Variants in STX18 observed in about 807,000 individuals in gnomAD.
STX18 encodes the protein syntaxin 18, also known as syntaxin-18.
STX18 carries 40 observed loss-of-function variants against 50.1 expected under a neutral mutation model. That is an observed-to-expected ratio of 0.80 (90% CI 0.62 to 1.04). The LOEUF is 1.04. Among genes scored for constraint, STX18 ranks in the 50% least tolerant of loss-of-function variants. The pLI is 0.00. For synonymous variants in STX18, 158 were observed against 151.8 expected, an observed-to-expected ratio of 1.04 and a Z score of -0.30; for missense variants, 410 against 415.8, an observed-to-expected ratio of 0.99 and a Z score of 0.12.
chr4:4,508,700 C>T (rs1378276894), intron 1 of STX18, among the ~76,000 whole-genome samples: 1 of 152,148 alleles, frequency 6.6e-6, no homozygotes, highest in African/African-American at 2.4e-5. Flanking sequence ...TCCTGATGCT[C>T]TCCCTCTCCC....
At chr4:4,513,701 C>T (rs1390334129) in intron 1 of STX18, among the ~76,000 whole-genome samples, 2 of 152,188 alleles carry the variant, frequency 1.3e-5, no homozygotes, top group Admixed American at 1.3e-4. Context: ...GACAAAACAG[C>T]ATGGCCAATG....
upstream of STX18, chr4:4,542,144 G>A: frequency 2.6e-6 from 2 of 762,942 alleles, no homozygotes; most frequent in South Asian, 2.6e-5. Context: ...AAAGGTTCCG[G>A]CCTCAGCCGG....
intron 5 of STX18, among the ~76,000 whole-genome samples, chr4:4,449,322 A>T (rs1726621086): frequency 6.6e-6 from 1 of 151,940 alleles, no homozygotes; most frequent in African/African-American, 2.4e-5. Context: ...AAGTGCTGGG[A>T]TTATAGGTGT....
chr4:4,477,753 A>C (rs1022518810), intron 1 of STX18: 1 of 152,248 alleles, frequency 6.6e-6, no homozygotes, highest in Non-Finnish European at 1.5e-5. Flanking sequence ...TTTGCAAGGA[A>C]GCACCTGGGA....
chr4:4,460,295 T>C (rs1379004974), intron 2 of STX18, among the ~76,000 whole-genome samples: 1 of 152,212 alleles, frequency 6.6e-6, no homozygotes, highest in Non-Finnish European at 1.5e-5. Flanking sequence ...TAAATACTTT[T>C]GAATGAACTG....
intron 1 of STX18, among the ~76,000 whole-genome samples, chr4:4,510,623 T>C (rs993423810): frequency 6.6e-6 from 1 of 152,142 alleles, no homozygotes; most frequent in African/African-American, 2.4e-5. Flanking sequence ...GAACCAGAAA[T>C]ACCATTTGAC....
chr4:4,511,220 G>A (rs1244840277), intron 1 of STX18, among the ~76,000 whole-genome samples: 1 of 152,156 alleles, frequency 6.6e-6, no homozygotes, highest in African/African-American at 2.4e-5. Context: ...AATGTAGGTT[G>A]GAAGATGAAT....
At chr4:4,436,739 C>G (rs1158354692) in intron 6 of STX18, among the ~76,000 whole-genome samples, 2 of 152,122 alleles carry the variant, frequency 1.3e-5, no homozygotes, top group Admixed American at 6.5e-5. Flanking sequence ...TCCAGACTCC[C>G]TACTCTGGCA....
intron 1 of STX18, among the ~76,000 whole-genome samples, chr4:4,526,658 C>G (rs1248977516): frequency 6.6e-6 from 1 of 151,980 alleles, no homozygotes; most frequent in Admixed American, 6.6e-5. Context: ...TGAACTGTAC[C>G]AAGTAATGAA....
At position 4,419,981 on chromosome 4, in the gene STX18, C is replaced by A; in HGVS notation, c.*53G>T. 2.7e-6 allele frequency: 4 copies of A among 1,459,588 alleles called. No individual in the cohort carries two copies. Among genetic ancestry groups the A allele is most frequent in the Non-Finnish European group, 3.8e-6 (4 of 1,058,962 alleles). The allele number at this position is 1,459,588 out of a possible 1,614,324, so 90.4% of individuals were successfully genotyped here. On this transcript the variant is annotated 3_prime_UTR_variant, in exon 11 of 11. Transcript: ENST00000306200. ...CCAGCACTGGAAGTACATGAAAGCA[C>A]GCAGTCTGTGAGTGCCCATGAGGAC...
chr4:4,457,861 C>T (rs1560173702), intron 3 of STX18, among the ~76,000 whole-genome samples: 1 of 152,202 alleles, frequency 6.6e-6, no homozygotes, highest in African/African-American at 2.4e-5. Context: ...ACACTCCTCC[C>T]TGCTTGAACC....
chr4:4,421,710 C>T (rs1724977066), intron 9 of STX18, among the ~76,000 whole-genome samples: 1 of 152,188 alleles, frequency 6.6e-6, no homozygotes, highest in Non-Finnish European at 1.5e-5. Flanking sequence ...TTCTGAAGTC[C>T]ACAGAAGTAA....
At chr4:4,443,061 C>T (rs1180821520) in intron 5 of STX18, among the ~76,000 whole-genome samples, 1 of 152,132 alleles carries the variant, frequency 6.6e-6, no homozygotes, top group Non-Finnish European at 1.5e-5. Flanking sequence ...TAGGCACTTC[C>T]GTATATTGAT....
intron 5 of STX18, among the ~76,000 whole-genome samples, chr4:4,452,403 G>T (rs1221518732): frequency 6.6e-6 from 1 of 152,224 alleles, no homozygotes; most frequent in Non-Finnish European, 1.5e-5. Flanking sequence ...GGAATTGGAG[G>T]TAGATGCCAT....
chr4:4,514,714 CCAAAGGAG>C (rs947027912), intron 1 of STX18, among the ~76,000 whole-genome samples: 2 of 151,916 alleles, frequency 1.3e-5, no homozygotes, highest in African/African-American at 4.8e-5. Flanking sequence ...ATCCAAACCA[CCAAAGGAG>C]GTACCCATAC....
chr4:4,439,580 T>C (rs1169806054), intron 5 of STX18, among the ~76,000 whole-genome samples: 7 of 114,886 alleles, frequency 6.1e-5, no homozygotes, highest in African/African-American at 2.4e-4. Flanking sequence ...CCCATATATA[T>C]ACACACACAC....
chr4:4,490,291 A>G (rs1053126349), intron 1 of STX18, among the ~76,000 whole-genome samples: 2 of 152,174 alleles, frequency 1.3e-5, no homozygotes, highest in African/African-American at 4.8e-5. Context: ...CATATGTAAC[A>G]ATAGCCAAAG....
At chr4:4,527,952 A>G (rs1730877226) in intron 1 of STX18, among the ~76,000 whole-genome samples, 2 of 151,938 alleles carry the variant, frequency 1.3e-5, no homozygotes, top group African/African-American at 4.8e-5. Flanking sequence ...GACATCCCTT[A>G]GCCACTGTCT....
At chr4:4,525,746 A>G (rs1342876900) in intron 1 of STX18, among the ~76,000 whole-genome samples, 1 of 152,206 alleles carries the variant, frequency 6.6e-6, no homozygotes, top group Non-Finnish European at 1.5e-5. Context: ...ACACAATCGC[A>G]GCTGAAAGGT....
Sources: gnomAD v4.1 joint callset for allele counts (sites outside exome capture counted in the v4.1 genomes callset) on GRCh38, gnomAD v4.1.1 for gene constraint, MANE v1.5 for transcripts, NCBI Gene and HGNC (gene_info 2026-07-23, HGNC 2026-07-21) for gene names.